The following WDR45B variants were observed in gnomAD, a reference collection of about 807,000 sequenced individuals.
WDR45B encodes the protein WD repeat domain 45B.
Under a neutral mutation model 44.6 loss-of-function variants are expected in WDR45B, and 20 were observed. The observed-to-expected ratio is 0.45, with a 90% CI of 0.32 to 0.65. The LOEUF (loss-of-function observed/expected upper bound fraction) is 0.65. Among genes scored for constraint, WDR45B ranks in the 30% least tolerant of loss-of-function variants. The pLI is 0.05. For missense variants in WDR45B, 323 were observed against 430.2 expected (o/e 0.75, Z 2.20); for synonymous variants, 169 against 164.9 (o/e 1.02, Z -0.19).
intron 1 of WDR45B, 146 bp downstream of exon 1, chr17:82,648,128 G>A (rs2046005704): frequency 1.1e-6 from 1 of 925,360 alleles, no homozygotes; most frequent in Non-Finnish European, 1.5e-6. Flanking sequence ...CCGGGGCCGG[G>A]GGCTTCGGAG....
At chr17:82,633,686 G>A (rs2045797515) in intron 2 of WDR45B, among the ~76,000 whole-genome samples, 1 of 152,092 alleles carries the variant, frequency 6.6e-6, no homozygotes, top group Non-Finnish European at 1.5e-5. Context: ...TGATGCAGCT[G>A]CTCTGGAAAA....
intron 2 of WDR45B, among the ~76,000 whole-genome samples, chr17:82,643,043 T>C (rs763399404): frequency 6.6e-5 from 10 of 152,242 alleles, no homozygotes; most frequent in Non-Finnish European, 1.2e-4. Context: ...CAGCACCTAA[T>C]GTGCGCGCAG....
chr17:82,628,990 AC>A (rs1376748205), intron 3 of WDR45B, among the ~76,000 whole-genome samples: 1 of 152,184 alleles, frequency 6.6e-6, no homozygotes, highest in African/African-American at 2.4e-5. Flanking sequence ...ACACAGTGAG[AC>A]CCTGTCTCAA....
chr17:82,648,376 G>A lies in WDR45B; in HGVS notation c.-36C>T, dbSNP rs1245613129. ...TGCTGGGTCGCCGCTCCTCAGCGCT[G>A]CATGCCTCTCGCTGGGGACGGCGGC... On this transcript the variant is annotated 5_prime_UTR_variant, in exon 1 of 10. An upstream open reading frame in the 5' UTR gains an earlier in-frame stop. Coordinates refer to ENST00000392325, the MANE Select transcript of WDR45B (RefSeq NM_019613.4). 1.3e-5 allele frequency: 21 copies of A among 1,597,364 alleles called. No homozygotes were observed. The highest frequency in any genetic ancestry group is 1.8e-5 in the Non-Finnish European group (21 of 1,174,068).
chr17:82,621,782 G>A lies in WDR45B; in HGVS notation c.445C>T (p.Pro149Ser), dbSNP rs146621828. The change falls in exon 6 of 10, where the codon CCC becomes TCC. Residue 149 changes from proline (P) to serine (S), a missense_variant. Pro to Ser is a moderately conservative substitution (Grantham distance 74). Coordinates refer to ENST00000392325, the MANE Select transcript of WDR45B (RefSeq NM_019613.4). ...GCCAGGAGGGAGTTGTTACTATTGG[G>A]ACAAAGGACACAGAGGCCTGCGTGG... ...YNPKGLCVLC[P>S]NSNNSLLAFP... 3 of 1,614,112 alleles carry A rather than the reference G, an allele frequency of 1.9e-6. No homozygotes were observed. The highest frequency in any genetic ancestry group is 1.1e-5 in the South Asian group (1 of 91,076).
chr17:82,616,374 A>C, intron 9 of WDR45B, 150 bp downstream of exon 9: 2 of 1,285,898 alleles, frequency 1.6e-6, no homozygotes, highest in South Asian at 2.5e-5. Context: ...AGCGGGACAC[A>C]CTGAGCCCAC....
chr17:82,632,211 G>A (rs1464452620), intron 2 of WDR45B, among the ~76,000 whole-genome samples: 1 of 151,872 alleles, frequency 6.6e-6, no homozygotes, highest in Non-Finnish European at 1.5e-5. Context: ...GCTCAGGCTT[G>A]AGTGCAGTGA....
At chr17:82,641,321 G>C (rs1395539769) in intron 2 of WDR45B, among the ~76,000 whole-genome samples, 1 of 152,168 alleles carries the variant, frequency 6.6e-6, no homozygotes, top group Non-Finnish European at 1.5e-5. Flanking sequence ...TCATTAATTA[G>C]GAAGCAGTTG....
At chr17:82,623,427 C>A (rs1369080452) in intron 5 of WDR45B, among the ~76,000 whole-genome samples, 1 of 146,464 alleles carries the variant, frequency 6.8e-6, no homozygotes, top group Non-Finnish European at 1.5e-5. Flanking sequence ...TGGGGCTGGG[C>A]GCGGTGGCTC....
At chr17:82,646,533 A>G (rs1399091890) in intron 1 of WDR45B, among the ~76,000 whole-genome samples, 1 of 151,376 alleles carries the variant, frequency 6.6e-6, no homozygotes, top group Non-Finnish European at 1.5e-5. Flanking sequence ...AAAAACAGCT[A>G]GAAACAAAAA....
chr17:82,620,375 G>C (rs543994566), intron 6 of WDR45B, among the ~76,000 whole-genome samples: 2 of 152,376 alleles, frequency 1.3e-5, no homozygotes, highest in South Asian at 4.1e-4. Context: ...GGAGGTGGCA[G>C]TGAGCTGAGA....
intron 2 of WDR45B, among the ~76,000 whole-genome samples, chr17:82,639,800 C>G (rs1452798693): frequency 8.0e-6 from 1 of 125,498 alleles, no homozygotes; most frequent in South Asian, 2.7e-4. Context: ...GTCGGGAGGG[C>G]TGCTGGGCTG....
intron 3 of WDR45B, 91 bp downstream of exon 3, chr17:82,630,830 A>T (rs2045757609): frequency 2.2e-5 from 28 of 1,276,046 alleles, no homozygotes; most frequent in Non-Finnish European, 3.2e-5. Flanking sequence ...ACTACTAGGG[A>T]AAATCACACA....
At chr17:82,619,886 G>C (rs1025030337) in intron 6 of WDR45B, among the ~76,000 whole-genome samples, 4 of 152,196 alleles carry the variant, frequency 2.6e-5, no homozygotes, top group Non-Finnish European at 5.9e-5. Context: ...CACAGATGTT[G>C]CAAGGCTCTG....
chr17:82,624,362 A>C (rs2045662998), intron 5 of WDR45B, among the ~76,000 whole-genome samples: 1 of 152,068 alleles, frequency 6.6e-6, no homozygotes, highest in Admixed American at 6.5e-5. Context: ...CCCGGGTTCA[A>C]GCAATTCTCC....
At chr17:82,639,395 C>CTA in intron 2 of WDR45B, among the ~76,000 whole-genome samples, 1 of 152,140 alleles carries the variant, frequency 6.6e-6, no homozygotes, top group Non-Finnish European at 1.5e-5. Flanking sequence ...AACAGTACAT[C>CTA]TATAATGAAC....
At chr17:82,632,186 G>A (rs1427573657) in intron 2 of WDR45B, among the ~76,000 whole-genome samples, 2 of 151,950 alleles carry the variant, frequency 1.3e-5, no homozygotes, top group African/African-American at 4.8e-5. Flanking sequence ...TTAAGAAACA[G>A]GGTCTTGCTG....
At chr17:82,646,871 C>A (rs2045984946) in intron 1 of WDR45B, among the ~76,000 whole-genome samples, 1 of 152,218 alleles carries the variant, frequency 6.6e-6, no homozygotes, top group Non-Finnish European at 1.5e-5. Context: ...AAGCTGGCAG[C>A]GCCCAGGAAG....
At chr17:82,643,585 C>T (rs1251561738) in intron 2 of WDR45B, among the ~76,000 whole-genome samples, 1 of 152,170 alleles carries the variant, frequency 6.6e-6, no homozygotes, top group African/African-American at 2.4e-5. Context: ...AAATAAACTC[C>T]CAGACATAAA....
Sources: allele counts gnomAD v4.1 joint callset (sites outside exome capture counted in the v4.1 genomes callset), GRCh38; gene constraint gnomAD v4.1.1; transcripts MANE v1.5; gene names NCBI Gene and HGNC (gene_info 2026-07-23, HGNC 2026-07-21).